PPP2R2C: variants seen among roughly 807,000 people sequenced by gnomAD.
PPP2R2C encodes protein phosphatase 2 regulatory subunit Bgamma.
PPP2R2C carries 10 observed loss-of-function variants against 45.3 expected under a neutral mutation model. The ratio of observed to expected loss-of-function variants is 0.22; its 90% CI spans 0.14 to 0.37. The LOEUF (loss-of-function observed/expected upper bound fraction) is 0.37. PPP2R2C is among the 10% of genes least tolerant of loss of function. The pLI is 1.00. For synonymous variants in PPP2R2C, 257 were observed against 245.4 expected (o/e 1.05, Z -0.44); for missense variants, 308 against 619.7 (o/e 0.50, Z 5.34).
intron 1 of PPP2R2C, among the ~76,000 whole-genome samples, chr4:6,389,149 A>G (rs1262217109): frequency 6.6e-6 from 1 of 152,180 alleles, no homozygotes; most frequent in Non-Finnish European, 1.5e-5. Flanking sequence ...TCATGGATAC[A>G]ATGGGAATTG....
intron 1 of PPP2R2C, among the ~76,000 whole-genome samples, chr4:6,450,347 C>A (rs1720673087): frequency 6.6e-6 from 1 of 152,210 alleles, no homozygotes; most frequent in African/African-American, 2.4e-5. Context: ...CGCTGGTCCT[C>A]AGTGCCTCCA....
intron 5 of PPP2R2C, chr4:6,351,280 T>C (rs1336173605): frequency 2.6e-6 from 2 of 761,588 alleles, no homozygotes; most frequent in Non-Finnish European, 3.2e-6. Flanking sequence ...GCCACTGCAC[T>C]CCAGACTGGG....
At chr4:6,360,018 C>A (rs565184121) in intron 5 of PPP2R2C, among the ~76,000 whole-genome samples, 3 of 152,310 alleles carry the variant, frequency 2.0e-5, no homozygotes, top group African/African-American at 4.8e-5. Flanking sequence ...GGAGATCCCA[C>A]GACAAGCTAA....
chr4:6,453,211 C>G (rs927074884), intron 1 of PPP2R2C, among the ~76,000 whole-genome samples: 1 of 152,124 alleles, frequency 6.6e-6, no homozygotes, highest in Non-Finnish European at 1.5e-5. Flanking sequence ...GCTGGAGATA[C>G]GGAGTTGAGG....
At chr4:6,489,248 T>C (rs1363712129) in intron 2 of PPP2R2C, among the ~76,000 whole-genome samples, 2 of 152,248 alleles carry the variant, frequency 1.3e-5, no homozygotes, top group South Asian at 2.1e-4. Context: ...TGATGTCCAA[T>C]TGCTTGAAAA....
Position 6,331,922 on chromosome 4 carries a change from C to CA in PPP2R2C, c.960+1639dup, listed in dbSNP as rs1200164457. On this transcript the variant is annotated intron_variant, in intron 7 of 8. Coordinates refer to ENST00000382599, the MANE Select transcript of PPP2R2C (RefSeq NM_020416.4). The surrounding 1 kb of genome is among the most constrained non-coding windows in gnomAD (Gnocchi z 5.9). The stretch of plus-strand genomic sequence containing the variant: ...CAATTTCTAGCACATCACAAGCCAC[C>CA]AAAAAATGTTGGTTGTTGTGCTGCT... Among the ~76,000 whole-genome samples, 1 of 152,150 alleles carries CA rather than the reference C, an allele frequency of 6.6e-6. No homozygotes were observed. The highest frequency in any genetic ancestry group is 1.5e-5 in the Non-Finnish European group (1 of 68,020).
chr4:6,433,603 T>C (rs577335478), intron 1 of PPP2R2C, among the ~76,000 whole-genome samples: 4 of 152,280 alleles, frequency 2.6e-5, no homozygotes, highest in East Asian at 3.9e-4. Context: ...ATCCCCCCCA[T>C]TGGGCCAATA....
intron 6 of PPP2R2C, among the ~76,000 whole-genome samples, chr4:6,339,351 G>A (rs777932762): frequency 1.3e-5 from 2 of 152,250 alleles, no homozygotes; most frequent in Non-Finnish European, 2.9e-5. Context: ...TGCTCCCTGA[G>A]CAGAGAGAAG....
rs1425690944 is a variant in PPP2R2C at position 6,456,313 on chromosome 4, C to A, written c.70+15847G>T. Among the ~76,000 whole-genome samples, 3 of 147,702 alleles carry A rather than the reference C, an allele frequency of 2.0e-5. No individual in the cohort carries two copies. In the South Asian group the frequency reaches 6.9e-4, roughly 34 times the overall value. ...TGAAATGAAGGATGTTATTTCCCCCCCCCCCCTTTATTCTACTGTCTACAC... is the reference window on the plus strand; with the variant it reads ...TGAAATGAAGGATGTTATTTCCCCCACCCCCCTTTATTCTACTGTCTACAC... On this transcript the variant is annotated intron_variant, in intron 1 of 8. Transcript: ENST00000382599.
intron 2 of PPP2R2C, among the ~76,000 whole-genome samples, chr4:6,508,674 G>A (rs1245318353): frequency 6.6e-6 from 1 of 152,172 alleles, no homozygotes; most frequent in Non-Finnish European, 1.5e-5. Flanking sequence ...GGGCGAGTGG[G>A]CTCAAACATG....
At chr4:6,371,279 C>T (rs1012740938) in intron 5 of PPP2R2C, among the ~76,000 whole-genome samples, 6 of 152,252 alleles carry the variant, frequency 3.9e-5, no homozygotes, top group Non-Finnish European at 5.9e-5. Flanking sequence ...TGCTCTGTTC[C>T]CTTCCCGCTG....
intron 4 of PPP2R2C, among the ~76,000 whole-genome samples, chr4:6,374,259 T>C (rs4585379): frequency 0.17 from 25,586 of 152,098 alleles, 2,882 homozygotes; most frequent in East Asian, 0.34. Context: ...AACATTGCTT[T>C]CTGTTTTCTC....
In PPP2R2C at chr4:6,387,081, A is replaced by T. The variant is rs555634262; in HGVS notation, c.71-5987T>A. 9.8e-5 allele frequency among the ~76,000 whole-genome samples: 15 copies of T among 152,294 alleles called. No homozygotes were observed. In the East Asian group the frequency reaches 2.7e-3, roughly 27 times the overall value. ...AGAGAGAAAAAAAATTTTTTTAAAA[A>T]GAAAAAGATCCTCAAAGACCTGTTG... On this transcript the variant is annotated intron_variant, in intron 1 of 8. Coordinates refer to ENST00000382599, the MANE Select transcript of PPP2R2C (RefSeq NM_020416.4).
At chr4:6,514,001 G>A (rs1723755729) in intron 2 of PPP2R2C, among the ~76,000 whole-genome samples, 2 of 152,212 alleles carry the variant, frequency 1.3e-5, no homozygotes, top group Admixed American at 1.3e-4. Context: ...AATACAGATG[G>A]GGTGTATAAT....
At chr4:6,340,304 T>C (rs1313229450) in intron 6 of PPP2R2C, among the ~76,000 whole-genome samples, 2 of 152,080 alleles carry the variant, frequency 1.3e-5, no homozygotes, top group African/African-American at 4.8e-5. Flanking sequence ...GACACTACTG[T>C]GGGGTGGGGC....
rs1731684079 is a variant in PPP2R2C, at chr4:6,323,458, C to T, written c.1188G>A (p.Gly396=). 6.2e-7 allele frequency: 1 copy of T among 1,613,244 alleles called. No individual in the cohort carries two copies. Among genetic ancestry groups the T allele is most frequent in the East Asian group, 2.2e-5 (1 of 44,852 alleles). ...TGATGTCATCACGCCGGCGCTTGCC[C>T]CCCACGCACACGCGCCGTGGCTTGA... ...AVLKPRRVCV[G]GKRRRDDISV... Residue 396 remains glycine (G), a synonymous_variant, in exon 9 of 9, where the codon GGG becomes GGA. Coordinates refer to ENST00000382599, the MANE Select transcript of PPP2R2C (RefSeq NM_020416.4).
intron 1 of PPP2R2C, among the ~76,000 whole-genome samples, chr4:6,408,531 G>C (rs1306392811): frequency 6.6e-6 from 1 of 152,196 alleles, no homozygotes; most frequent in Non-Finnish European, 1.5e-5. Context: ...GGTTTCAATG[G>C]GGAGGTAGGA....
chr4:6,533,567 A>G (rs1299955832), intron 2 of PPP2R2C, among the ~76,000 whole-genome samples: 1 of 152,224 alleles, frequency 6.6e-6, no homozygotes, highest in Non-Finnish European at 1.5e-5. Context: ...ATACTGTTTT[A>G]TGTCGTTAAT....
chr4:6,412,523 A>C (rs1718257089), intron 1 of PPP2R2C, among the ~76,000 whole-genome samples: 1 of 152,252 alleles, frequency 6.6e-6, no homozygotes, highest in Non-Finnish European at 1.5e-5. Flanking sequence ...GGAATGCCCA[A>C]GTCACACAGC....
Sources: gnomAD v4.1 joint callset for allele counts (sites outside exome capture counted in the v4.1 genomes callset) on GRCh38, gnomAD v4.1.1 for gene constraint, Gnocchi (gnomAD v3.1) non-coding constraint, MANE v1.5 for transcripts, NCBI Gene and HGNC (gene_info 2026-07-23, HGNC 2026-07-21) for gene names.